Variants in PCDHGA2 observed in about 807,000 individuals in gnomAD.
The protein encoded by PCDHGA2 is protocadherin gamma subfamily A, 2.
In PCDHGA2, 40 loss-of-function variants were observed where a neutral mutation model predicts 59.2. The ratio of observed to expected loss-of-function variants is 0.68; its 90% CI spans 0.52 to 0.88. The LOEUF is 0.88. PCDHGA2 is among the 40% of genes least tolerant of loss of function. The probability of loss-of-function intolerance (pLI) is 0.00; values close to 1 mark genes in which losing one functional copy is unlikely to be tolerated. For missense variants in PCDHGA2, 1,226 were observed against 1,204.0 expected, an observed-to-expected ratio of 1.02 and a Z score of -0.27; for synonymous variants, 560 against 526.0, an observed-to-expected ratio of 1.06 and a Z score of -0.89.
In PCDHGA2 at chr5:141,361,541, C is replaced by CCTCTATCG. The variant is rs778689212; in HGVS notation, c.2424+20150_2424+20157dup. ...GTGGCAGAGAACAATCCTCCTGGCGCCTCTATCGCTCAAATCAGTGCCTCT... is the reference window on the plus strand; with the variant it reads ...GTGGCAGAGAACAATCCTCCTGGCGCCTCTATCGCTCTATCGCTCAAATCAGTGCCTCT... On this transcript the variant is annotated intron_variant, in intron 1 of 3. Coordinates refer to ENST00000394576, the MANE Select transcript of PCDHGA2 (RefSeq NM_018915.4). The CCTCTATCG allele has an allele frequency of 6.2e-6, 10 of 1,613,956 alleles. No individual in the cohort carries two copies. In the African/African-American group the frequency reaches 1.2e-4, roughly 19 times the overall value.
rs751905674 is a variant in PCDHGA2, at chr5:141,408,643, C to A, written c.2424+67248C>A. On this transcript the variant is annotated intron_variant, in intron 1 of 3. Coordinates refer to ENST00000394576, the MANE Select transcript of PCDHGA2 (RefSeq NM_018915.4). ...ATTTAGAAATTTTCGAATCTGCATCCGCTGGTACACGACTATCGCTTGACC... is the reference window on the plus strand; with the variant it reads ...ATTTAGAAATTTTCGAATCTGCATCAGCTGGTACACGACTATCGCTTGACC... 13 of 1,613,792 alleles carry A rather than the reference C, an allele frequency of 8.1e-6. No homozygotes were observed. The African/African-American group carries it at 1.6e-4, about 20-fold the overall frequency.
intron 1 of PCDHGA2, chr5:141,403,197 G>T: frequency 6.2e-7 from 1 of 1,613,986 alleles, no homozygotes; most frequent in Non-Finnish European, 8.5e-7. Flanking sequence ...CCGCGCAGCG[G>T]CACCTTGGTC....
At chr5:141,361,514 A>C (rs765118611) in intron 1 of PCDHGA2, 1 of 1,614,028 alleles carries the variant, frequency 6.2e-7, no homozygotes. Context: ...TACATGGTTC[A>C]CGTGGCAGAG....
chr5:141,395,542 T>TTGTTTG lies in PCDHGA2; in HGVS notation c.2424+54150_2424+54151insTTGTGT, dbSNP rs1267535064. On this transcript the variant is annotated intron_variant, in intron 1 of 3. Coordinates refer to ENST00000394576, the MANE Select transcript of PCDHGA2 (RefSeq NM_018915.4). ...TCCATACTGGTAATTTTGCTATTGTTTGTGTGTGTGTGTGTGTGTGTGTGT... is the reference window on the plus strand; with the variant it reads ...TCCATACTGGTAATTTTGCTATTGTTTGTTTGTGTGTGTGTGTGTGTGTGTGTGTGT... 2.4e-3 allele frequency: 418 copies of TTGTTTG among 172,622 alleles called. 4 individuals carry two copies. The highest frequency in any genetic ancestry group is 0.019 in the African/African-American group (326 of 17,544). The allele number at this position is 172,622 out of a possible 1,614,324, so 10.7% of individuals were successfully genotyped here.
chr5:141,403,816 A>G (rs2094457403), intron 1 of PCDHGA2: 4 of 1,613,874 alleles, frequency 2.5e-6, no homozygotes, highest in Non-Finnish European at 3.4e-6. Context: ...ATGAAAAACA[A>G]TCTCTGCTAT....
At chr5:141,414,414 C>T (rs376404716) in intron 1 of PCDHGA2, 4 of 1,613,830 alleles carry the variant, frequency 2.5e-6, no homozygotes, top group South Asian at 1.1e-5. Context: ...TACACAGAGC[C>T]CTTGACAGGG....
intron 1 of PCDHGA2, among the ~76,000 whole-genome samples, chr5:141,488,655 G>C (rs1438020338): frequency 6.6e-6 from 1 of 152,164 alleles, no homozygotes. Flanking sequence ...GATGGGGGAG[G>C]GTGGGGGAAT....
chr5:141,404,907 C>T (rs2094582940), intron 1 of PCDHGA2: 1 of 1,613,890 alleles, frequency 6.2e-7, no homozygotes. Context: ...CATGGCCAGC[C>T]CCCTCTCTCG....
chr5:141,502,661 T>G (rs1440361647), intron 2 of PCDHGA2, among the ~76,000 whole-genome samples: 1 of 152,240 alleles, frequency 6.6e-6, no homozygotes. Flanking sequence ...CAACCCTTCA[T>G]GCAATTTTAG....
chr5:141,494,197 C>T (rs73794924), intron 1 of PCDHGA2, among the ~76,000 whole-genome samples: 1,654 of 152,242 alleles, frequency 0.011, 27 homozygotes, highest in African/African-American at 0.037. Flanking sequence ...CTTGGATGCC[C>T]CGCAAAGGCC....
intron 1 of PCDHGA2, chr5:141,366,634 G>C (rs1349897930): frequency 1.9e-6 from 3 of 1,614,220 alleles, no homozygotes; most frequent in Middle Eastern, 1.6e-4. Context: ...AGAGTCACCT[G>C]ATCTTTCCCC....
At chr5:141,389,061 T>C in intron 1 of PCDHGA2, 1 of 1,614,022 alleles carries the variant, frequency 6.2e-7, no homozygotes, top group Non-Finnish European at 8.5e-7. Context: ...ATTTAAAATA[T>C]TAACTTCTTC....
chr5:141,478,623 GT>G (rs1337268572), intron 1 of PCDHGA2: 14 of 1,554,358 alleles, frequency 9.0e-6, no homozygotes, highest in African/African-American at 1.4e-5. Context: ...GAATGGAGCT[GT>G]TTTTTTAGTG....
intron 1 of PCDHGA2, chr5:141,383,606 A>G (rs368778165): frequency 6.2e-7 from 1 of 1,613,768 alleles, no homozygotes; most frequent in Non-Finnish European, 8.5e-7. Flanking sequence ...GTGGATGTGA[A>G]TGACCACACG....
At chr5:141,433,422 A>G (rs1172678396) in intron 1 of PCDHGA2, among the ~76,000 whole-genome samples, 1 of 150,646 alleles carries the variant, frequency 6.6e-6, no homozygotes, top group Admixed American at 6.6e-5. Context: ...TCTTGTACAG[A>G]CAGGAGTCTC....
chr5:141,455,343 G>A (rs1462807460), intron 1 of PCDHGA2, among the ~76,000 whole-genome samples: 1 of 152,036 alleles, frequency 6.6e-6, no homozygotes, highest in African/African-American at 2.4e-5. Flanking sequence ...TTTAAGGAGC[G>A]GAGAGTTTAA....
chr5:141,460,582 G>A (rs1246329967), intron 1 of PCDHGA2, among the ~76,000 whole-genome samples: 2 of 152,022 alleles, frequency 1.3e-5, no homozygotes, highest in South Asian at 4.1e-4. Context: ...GTAGGTGTGG[G>A]TTTTTTCTGG....
At chr5:141,443,792 A>G (rs540226154) in intron 1 of PCDHGA2, among the ~76,000 whole-genome samples, 67 of 152,366 alleles carry the variant, frequency 4.4e-4, no homozygotes, top group African/African-American at 1.4e-3. Flanking sequence ...AAAAAAAATG[A>G]AAAGGAAACA....
At chr5:141,420,527 G>T (rs368419425) in intron 1 of PCDHGA2, 3 of 349,150 alleles carry the variant, frequency 8.6e-6, no homozygotes, top group Non-Finnish European at 1.5e-5. Flanking sequence ...ATACCTTTCG[G>T]TTAAAAATAT....
Sources: gnomAD v4.1 joint callset for allele counts (sites outside exome capture counted in the v4.1 genomes callset) on GRCh38, gnomAD v4.1.1 for gene constraint, MANE v1.5 for transcripts, NCBI Gene and HGNC (gene_info 2026-07-23, HGNC 2026-07-21) for gene names.